CHD1: variants seen among roughly 807,000 people sequenced by gnomAD.
CHD1 encodes ATP-dependent chromatin remodeler CHD1.
Under a neutral mutation model 224.2 loss-of-function variants are expected in CHD1, and 36 were observed. The observed-to-expected ratio is 0.16, with a 90% CI of 0.12 to 0.21. The LOEUF is 0.21. Among genes scored for constraint, CHD1 ranks in the 10% least tolerant of loss-of-function variants. CHD1 has a pLI of 1.00. For missense variants in CHD1, 1,378 were observed against 1,994.8 expected, an observed-to-expected ratio of 0.69 and a Z score of 5.89; for synonymous variants, 668 against 658.3, an observed-to-expected ratio of 1.01 and a Z score of -0.23.
rs1751873377 is a variant in CHD1, at chr5:98,903,795, T to C, written c.369A>G (p.Glu123=). The C allele has an allele frequency of 6.2e-7, 1 of 1,606,684 alleles. No individual in the cohort carries two copies. The highest frequency in any genetic ancestry group is 1.3e-5 in the African/African-American group (1 of 74,782). ...ATAGCTCATGATGAAAATGCACCTC[T>C]TCTGATCCGCTATTAGATGAGGCTT... ...QHQASSNSGS[E]EDSSSSEDSD... is the part of the protein sequence containing the mutation. Residue 123 remains glutamate (E), a synonymous_variant, in exon 4 of 36, where the codon GAA becomes GAG. Coordinates refer to ENST00000614616, the MANE Select transcript of CHD1 (RefSeq NM_001270.4).
Position 98,865,885 on chromosome 5 carries a change from T to G in CHD1, c.4249-2299A>C, listed in dbSNP as rs146258222. ...TAATGGAGAGGAAATTCATGCATTGTGCACAGCAGGAATTTTTCCATTCCA... is the reference window on the plus strand; with the variant it reads ...TAATGGAGAGGAAATTCATGCATTGGGCACAGCAGGAATTTTTCCATTCCA... On this transcript the variant is annotated intron_variant, in intron 31 of 35. Coordinates refer to ENST00000614616, the MANE Select transcript of CHD1 (RefSeq NM_001270.4). 1.1e-3 allele frequency among the ~76,000 whole-genome samples: 169 copies of G among 152,224 alleles called. 1 individual carries two copies. The highest frequency in any genetic ancestry group is 3.9e-3 in the African/African-American group (162 of 41,520).
intron 23 of CHD1, among the ~76,000 whole-genome samples, chr5:98,877,757 G>A (rs1330876261): frequency 6.6e-6 from 1 of 152,012 alleles, no homozygotes; most frequent in Non-Finnish European, 1.5e-5. Context: ...AACTACTTAG[G>A]GGTTTGGAGA....
At chr5:98,899,274 G>A (rs986213701) in intron 8 of CHD1, among the ~76,000 whole-genome samples, 2 of 152,018 alleles carry the variant, frequency 1.3e-5, no homozygotes, top group African/African-American at 2.4e-5. Flanking sequence ...TTGTGTTATT[G>A]TTGTTTTTTT....
At chr5:98,901,889 C>T (rs1188765180) in intron 5 of CHD1, among the ~76,000 whole-genome samples, 1 of 151,914 alleles carries the variant, frequency 6.6e-6, no homozygotes, top group Admixed American at 6.6e-5. Flanking sequence ...TAATATTTTG[C>T]TATCATAAGA....
chr5:98,867,936 G>A (rs1749021235), intron 31 of CHD1, among the ~76,000 whole-genome samples: 1 of 151,424 alleles, frequency 6.6e-6, no homozygotes, highest in Admixed American at 6.6e-5. Context: ...CCGAGTAGCT[G>A]AGATTACAGG....
At chr5:98,920,392 A>C (rs80009776) in intron 2 of CHD1, among the ~76,000 whole-genome samples, 3,082 of 152,350 alleles carry the variant, frequency 0.02, 52 homozygotes, top group Non-Finnish European at 0.028. Context: ...TGAGAGGTTA[A>C]CACCACCAGT....
chr5:98,885,781 G>A (rs1404891316), intron 17 of CHD1, 132 bp from the exon 18 acceptor site: 2 of 608,540 alleles, frequency 3.3e-6, no homozygotes, highest in African/African-American at 3.7e-5. Flanking sequence ...GTACTTACTA[G>A]ACAGTAAAAT....
chr5:98,899,362 TA>T, intron 8 of CHD1, 117 bp downstream of exon 8: 2 of 687,458 alleles, frequency 2.9e-6, no homozygotes, highest in Non-Finnish European at 4.8e-6. Flanking sequence ...CCAACTGTAT[TA>T]TAAAGTCTAT....
chr5:98,928,213 G>A lies in CHD1; in HGVS notation c.-149+326C>T, dbSNP rs567040386. Among the ~76,000 whole-genome samples the A allele has an allele frequency of 2.6e-5, 4 of 151,936 alleles. No homozygotes were observed. The East Asian group carries it at 5.9e-4, about 22-fold the overall frequency. The stretch of plus-strand genomic sequence containing the variant: ...TCCCGCCGCTCCCCACGTGCTGGGA[G>A]CCCGGGTCGCGGCAGGACCCACGCA... On this transcript the variant is annotated intron_variant, in intron 1 of 35. Transcript: ENST00000614616.
intron 13 of CHD1, among the ~76,000 whole-genome samples, chr5:98,893,919 T>C (rs1021089552): frequency 2.0e-5 from 3 of 152,030 alleles, no homozygotes; most frequent in Non-Finnish European, 2.9e-5. Context: ...CTAACCCCAA[T>C]AGAAGCCTCT....
At chr5:98,883,001 TC>T in intron 19 of CHD1, 86 bp downstream of exon 19, 1 of 884,544 alleles carries the variant, frequency 1.1e-6, no homozygotes, top group African/African-American at 1.8e-5. Flanking sequence ...AGTGATCTTA[TC>T]CTCTAGAGGA....
chr5:98,869,622 G>GCA (rs113502266), intron 30 of CHD1, 132 bp downstream of exon 30: 170,979 of 709,454 alleles, frequency 0.24, 6,653 homozygotes, highest in South Asian at 0.29. Context: ...ACGTGCGCGC[G>GCA]CACACACACA....
At chr5:98,868,742 G>T in intron 30 of CHD1, 107 bp from the exon 31 acceptor site, 4 of 1,094,098 alleles carry the variant, frequency 3.7e-6, no homozygotes, top group Admixed American at 3.0e-5. Flanking sequence ...TTCTACAAGT[G>T]CTCATTCTCA....
rs772363159 is a variant in CHD1 at position 98,875,063 on chromosome 5, C to T, written c.3440+9G>A. On this transcript the variant is annotated intron_variant, in intron 25 of 35. Transcript: ENST00000614616. ...TCCATTATTCTATGAGAATAATAAA[C>T]GTATTTACCTTTCCAGAGGACCACC... The T allele has an allele frequency of 4.3e-5, 57 of 1,337,160 alleles. No homozygotes were observed. The highest frequency in any genetic ancestry group is 1.1e-4 in the Admixed American group (6 of 55,144). The allele number at this position is 1,337,160 out of a possible 1,614,324, so 82.8% of individuals were successfully genotyped here.
At chr5:98,876,758 A>G (rs907359739) in intron 23 of CHD1, among the ~76,000 whole-genome samples, 200 bp from the exon 24 acceptor site, 6 of 152,248 alleles carry the variant, frequency 3.9e-5, no homozygotes, top group African/African-American at 9.6e-5. Flanking sequence ...ATCAGACATT[A>G]TATCAAAAGC....
chr5:98,887,734 G>C (rs2112443092), intron 17 of CHD1, among the ~76,000 whole-genome samples: 1 of 152,172 alleles, frequency 6.6e-6, no homozygotes, highest in East Asian at 1.9e-4. Context: ...GAGACTACTG[G>C]CTGTTTTCCT....
Position 98,898,377 on chromosome 5 carries a change from C to T in CHD1, c.1244G>A (p.Gly415Asp). 6.3e-7 allele frequency: 1 copy of T among 1,599,246 alleles called. No homozygotes were observed. The highest frequency in any genetic ancestry group is 8.5e-7 in the Non-Finnish European group (1 of 1,174,098). ...CCAGCTGCACTCTGAGTATGGAAGG[C>T]CCTGCCATTTGCAGTAATAATCAGG... ...GYPDYYCKWQGLPYSECSWED... is the reference protein window; with the variant it reads ...GYPDYYCKWQDLPYSECSWED... Residue 415 changes from glycine to aspartate, a missense_variant, in exon 10 of 36, where the codon GGC becomes GAC. By Grantham distance (94) the Gly-to-Asp change is moderately conservative. Transcript: ENST00000614616.
chr5:98,868,389 T>A, intron 31 of CHD1, 106 bp downstream of exon 31: 5 of 657,826 alleles, frequency 7.6e-6, no homozygotes, highest in South Asian at 4.3e-5. Flanking sequence ...CTTTTATCAA[T>A]CTACAATAAA....
At chr5:98,876,227 T>C (rs73153564) in intron 24 of CHD1, among the ~76,000 whole-genome samples, 171 bp downstream of exon 24, 316 of 152,330 alleles carry the variant, frequency 2.1e-3, no homozygotes, top group African/African-American at 7.3e-3. Flanking sequence ...CCAAACTTGT[T>C]TTGTTCAGTT....
Sources: allele counts gnomAD v4.1 joint callset (sites outside exome capture counted in the v4.1 genomes callset), GRCh38; gene constraint gnomAD v4.1.1; transcripts MANE v1.5; gene names NCBI Gene and HGNC (gene_info 2026-07-23, HGNC 2026-07-21).